The following CIAPIN1 variants were observed in gnomAD, a reference collection of about 807,000 sequenced individuals.
CIAPIN1 encodes anamorsin.
CIAPIN1 carries 18 observed loss-of-function variants against 34.3 expected under a neutral mutation model. That is an observed-to-expected ratio of 0.52 (90% confidence interval 0.36 to 0.78). CIAPIN1 has a LOEUF of 0.78. CIAPIN1 is among the 30% of genes least tolerant of loss of function. The pLI, the probability that CIAPIN1 is intolerant of heterozygous loss-of-function variation, is 0.00. For missense variants in CIAPIN1, 310 were observed against 372.5 expected, an observed-to-expected ratio of 0.83 and a Z score of 1.38; for synonymous variants, 131 against 140.4, an observed-to-expected ratio of 0.93 and a Z score of 0.47.
At chr16:57,445,746 G>A (rs566606838) in intron 1 of CIAPIN1, among the ~76,000 whole-genome samples, 1 of 149,716 alleles carries the variant, frequency 6.7e-6, no homozygotes, top group East Asian at 2.0e-4. Context: ...CTATGTGCCT[G>A]TCCCTACACG....
At chr16:57,439,035 G>A in intron 3 of CIAPIN1, 147 bp downstream of exon 3, 1 of 788,276 alleles carries the variant, frequency 1.3e-6, no homozygotes, top group South Asian at 2.0e-5. Flanking sequence ...TGTTGCTTCA[G>A]ATTTTAACAA....
Position 57,439,874 on chromosome 16 carries a change from A to C in CIAPIN1, c.158-540T>G, listed in dbSNP as rs562617561. ...GCGTTAACTGCACAAATTGTTCATA[A>C]AGCATGTGCATTTAAACAATACGAC... On this transcript the variant is annotated intron_variant, in intron 2 of 8. Transcript: ENST00000394391. Among the ~76,000 whole-genome samples the C allele has an allele frequency of 2.0e-5, 3 of 152,358 alleles. No homozygotes were observed. In the South Asian group the frequency reaches 6.2e-4, roughly 32 times the overall value.
At position 57,447,327 on chromosome 16, in the gene CIAPIN1, C is replaced by T. The variant is rs1471956512; in HGVS notation, c.-56+15G>A. The T allele has an allele frequency of 6.5e-6, 3 of 462,712 alleles. No homozygotes were observed. The allele number at this position is 462,712 out of a possible 1,614,324, so 28.7% of individuals were successfully genotyped here. On this transcript the variant is annotated intron_variant, in intron 1 of 8. Transcript: ENST00000394391. ...GAGGGAGCTCTGGCGCTCAGCTGGC[C>T]CCCACCACTCTCACCTGCCGCCTGG...
chr16:57,430,858 T>C (rs1336798260), intron 7 of CIAPIN1, among the ~76,000 whole-genome samples: 1 of 152,104 alleles, frequency 6.6e-6, no homozygotes, highest in African/African-American at 2.4e-5. Context: ...GGCTTACTGG[T>C]AGGGTTTTGA....
chr16:57,430,161 TA>T, intron 8 of CIAPIN1, 96 bp downstream of exon 8: 1 of 1,053,124 alleles, frequency 9.5e-7, no homozygotes, highest in Non-Finnish European at 1.5e-6. Flanking sequence ...CGTCTGTTAC[TA>T]AAATATTTGA....
At position 57,429,103 on chromosome 16, in the gene CIAPIN1, C is replaced by T; in HGVS notation, c.*67G>A. On this transcript the variant is annotated 3_prime_UTR_variant, in exon 9 of 9. Coordinates refer to ENST00000394391, the MANE Select transcript of CIAPIN1 (RefSeq NM_020313.4). ...CAAATCCAGAGGAGGTGGGAGGAGC[C>T]ACCATGGTGGGATGTGAGGGACAGG... is the stretch of plus-strand genomic sequence containing the variant. The T allele has an allele frequency of 9.1e-7, 1 of 1,097,496 alleles. No individual in the cohort carries two copies. Among genetic ancestry groups the T allele is most frequent in the African/African-American group, 1.5e-5 (1 of 65,122 alleles). The allele number at this position is 1,097,496 out of a possible 1,614,324, so 68.0% of individuals were successfully genotyped here.
intron 5 of CIAPIN1, 150 bp downstream of exon 5, chr16:57,433,894 T>C (rs1308661717): frequency 2.8e-6 from 2 of 706,706 alleles, no homozygotes; most frequent in Admixed American, 2.3e-5. Context: ...CCCATGATAA[T>C]AGTACATTAA....
chr16:57,436,583 C>G, intron 4 of CIAPIN1, 73 bp downstream of exon 4: 1 of 1,166,348 alleles, frequency 8.6e-7, no homozygotes, highest in Non-Finnish European at 1.3e-6. Context: ...CACAGCATTT[C>G]TTGTTTCCTA....
At chr16:57,442,899 A>G (rs965038060) in intron 1 of CIAPIN1, among the ~76,000 whole-genome samples, 18 of 152,086 alleles carry the variant, frequency 1.2e-4, no homozygotes, top group Non-Finnish European at 5.9e-5. Context: ...CCACCATTCC[A>G]AAGTGATCCC....
intron 6 of CIAPIN1, among the ~76,000 whole-genome samples, chr16:57,432,199 A>G (rs1342051569): frequency 6.6e-6 from 1 of 152,162 alleles, no homozygotes; most frequent in Non-Finnish European, 1.5e-5. Flanking sequence ...CTGTAATCAT[A>G]GCTACTTGGG....
chr16:57,440,262 T>C (rs1442623520), intron 2 of CIAPIN1, among the ~76,000 whole-genome samples: 2 of 152,244 alleles, frequency 1.3e-5, no homozygotes, highest in Non-Finnish European at 2.9e-5. Flanking sequence ...CCCTGTCTCC[T>C]GATAAGATGT....
intron 3 of CIAPIN1, among the ~76,000 whole-genome samples, chr16:57,437,655 A>T (rs1455437495): frequency 6.6e-6 from 1 of 151,826 alleles, no homozygotes; most frequent in African/African-American, 2.4e-5. Flanking sequence ...CCCACCAAGT[A>T]GCTGGGGTTA....
chr16:57,432,757 A>G (rs1220749326), intron 5 of CIAPIN1, among the ~76,000 whole-genome samples, 197 bp from the exon 6 acceptor site: 1 of 152,216 alleles, frequency 6.6e-6, no homozygotes, highest in African/African-American at 2.4e-5. Flanking sequence ...TACAGAAGTC[A>G]CCATTTGCTA....
Position 57,440,485 on chromosome 16 carries a change from G to A in CIAPIN1, c.157+287C>T, listed in dbSNP as rs527256144. On this transcript the variant is annotated intron_variant, in intron 2 of 8. Transcript: ENST00000394391. Reference sequence around the variant, plus strand: ...CTTGAGGGGCATCACGGAACCCGCCGACATGTGATGTCTCCCCCGGACACC... The same window carrying A: ...CTTGAGGGGCATCACGGAACCCGCCAACATGTGATGTCTCCCCCGGACACC... 4.6e-5 allele frequency among the ~76,000 whole-genome samples: 7 copies of A among 152,142 alleles called. No homozygotes were observed. In the East Asian group the frequency reaches 1.4e-3, roughly 29 times the overall value.
chr16:57,438,081 A>C (rs1255098363), intron 3 of CIAPIN1, among the ~76,000 whole-genome samples: 2 of 152,210 alleles, frequency 1.3e-5, no homozygotes, highest in Non-Finnish European at 2.9e-5. Flanking sequence ...TAGTCATGTA[A>C]GGTTTAAATT....
intron 8 of CIAPIN1, among the ~76,000 whole-genome samples, chr16:57,430,009 C>G (rs889236178): frequency 6.6e-6 from 1 of 152,172 alleles, no homozygotes; most frequent in African/African-American, 2.4e-5. Context: ...ACCATCAGGT[C>G]CCACTCTGAA....
chr16:57,432,566 T>C lies in CIAPIN1; in HGVS notation c.557-6A>G. Reference sequence around the variant, plus strand: ...AGGGTCCACAGCAGGTTTCACTGAGTCCAAGCAATAAAAGAAAAAACTCCA... The same window carrying C: ...AGGGTCCACAGCAGGTTTCACTGAGCCCAAGCAATAAAAGAAAAAACTCCA... On this transcript the variant is annotated splice_region_variant and splice_polypyrimidine_tract_variant and intron_variant, in intron 5 of 8. Transcript: ENST00000394391. 6.2e-7 allele frequency: 1 copy of C among 1,610,484 alleles called. No individual in the cohort carries two copies. The highest frequency in any genetic ancestry group is 8.5e-7 in the Non-Finnish European group (1 of 1,179,066).
intron 1 of CIAPIN1, among the ~76,000 whole-genome samples, chr16:57,442,409 C>A (rs142010261): frequency 1.3e-5 from 2 of 151,482 alleles, no homozygotes; most frequent in East Asian, 3.9e-4. Context: ...GCCTATTATC[C>A]CAGCACCTTG....
At chr16:57,436,228 T>G (rs1379540114) in intron 4 of CIAPIN1, among the ~76,000 whole-genome samples, 2 of 152,010 alleles carry the variant, frequency 1.3e-5, no homozygotes, top group Non-Finnish European at 2.9e-5. Context: ...TTTTTTTTTG[T>G]TTTGTTTTGT....
Sources: gnomAD v4.1 joint callset for allele counts (sites outside exome capture counted in the v4.1 genomes callset) on GRCh38, gnomAD v4.1.1 for gene constraint, MANE v1.5 for transcripts, NCBI Gene and HGNC (gene_info 2026-07-23, HGNC 2026-07-21) for gene names.